Variants in HS6ST3 observed in about 807,000 individuals in gnomAD.
The protein encoded by HS6ST3 is heparan-sulfate 6-O-sulfotransferase 3.
A neutral mutation model predicts 36.7 loss-of-function variants in HS6ST3; 12 were observed. The observed-to-expected ratio is 0.33, with a 90% confidence interval of 0.21 to 0.53. The LOEUF (loss-of-function observed/expected upper bound fraction) is 0.53, where lower values mean the gene tolerates loss of function less well. Among genes scored for constraint, HS6ST3 ranks in the 20% least tolerant of loss-of-function variants. The pLI, the probability that HS6ST3 is intolerant of heterozygous loss-of-function variation, is 0.95. For synonymous variants in HS6ST3, 240 were observed against 257.5 expected, an observed-to-expected ratio of 0.93 and a Z score of 0.65; for missense variants, 584 against 640.9, an observed-to-expected ratio of 0.91 and a Z score of 0.96.
intron 1 of HS6ST3, among the ~76,000 whole-genome samples, chr13:96,107,329 G>T (rs2053846385): frequency 6.6e-6 from 1 of 152,094 alleles, no homozygotes; most frequent in Admixed American, 6.5e-5. Flanking sequence ...TCTGTAAATG[G>T]CTGCCTAAGA....
At chr13:96,683,077 C>G (rs2056723773) in intron 1 of HS6ST3, among the ~76,000 whole-genome samples, 1 of 152,084 alleles carries the variant, frequency 6.6e-6, no homozygotes, top group Non-Finnish European at 1.5e-5. Flanking sequence ...TTGTCCTAGT[C>G]TCTGCCTTGT....
At chr13:96,661,104 G>C (rs1199602178) in intron 1 of HS6ST3, among the ~76,000 whole-genome samples, 3 of 152,074 alleles carry the variant, frequency 2.0e-5, no homozygotes, top group African/African-American at 4.8e-5. Flanking sequence ...TGCACTGTTG[G>C]CTTCCCTACT....
At chr13:96,677,122 T>C (rs1317351292) in intron 1 of HS6ST3, among the ~76,000 whole-genome samples, 1 of 152,170 alleles carries the variant, frequency 6.6e-6, no homozygotes, top group Non-Finnish European at 1.5e-5. Flanking sequence ...TTGCTTCAAT[T>C]GGAACTTAGG....
chr13:96,465,781 T>C (rs1401598528), intron 1 of HS6ST3, among the ~76,000 whole-genome samples: 2 of 152,212 alleles, frequency 1.3e-5, no homozygotes, highest in Non-Finnish European at 2.9e-5. Flanking sequence ...GTATATATTA[T>C]GGTTAGTGTC....
At chr13:96,270,573 T>C (rs2054714781) in intron 1 of HS6ST3, among the ~76,000 whole-genome samples, 1 of 151,710 alleles carries the variant, frequency 6.6e-6, no homozygotes, top group Non-Finnish European at 1.5e-5. Context: ...CTTAGTGTTA[T>C]GAGGATTCAT....
chr13:96,649,657 G>T (rs774588728), intron 1 of HS6ST3, among the ~76,000 whole-genome samples: 9 of 151,972 alleles, frequency 5.9e-5, no homozygotes, highest in Non-Finnish European at 1.3e-4. Flanking sequence ...GTATCCTGAT[G>T]GGACTATCAT....
At chr13:96,233,296 T>G (rs769035442) in intron 1 of HS6ST3, among the ~76,000 whole-genome samples, 11 of 152,192 alleles carry the variant, frequency 7.2e-5, no homozygotes, top group Non-Finnish European at 1.5e-4. Flanking sequence ...ATATAAGGTA[T>G]TATATGCAAA....
intron 1 of HS6ST3, among the ~76,000 whole-genome samples, chr13:96,744,146 A>G (rs1042251626): frequency 2.0e-5 from 3 of 152,040 alleles, no homozygotes; most frequent in African/African-American, 7.2e-5. Flanking sequence ...TATAAGCTAC[A>G]TTATTACTGG....
At chr13:96,284,095 T>C (rs2139395238) in intron 1 of HS6ST3, among the ~76,000 whole-genome samples, 1 of 152,288 alleles carries the variant, frequency 6.6e-6, no homozygotes, top group East Asian at 1.9e-4. Flanking sequence ...CCAGCTTCCT[T>C]TGACCCAAGC....
At chr13:96,654,902 A>G (rs1594828453) in intron 1 of HS6ST3, among the ~76,000 whole-genome samples, 1 of 152,092 alleles carries the variant, frequency 6.6e-6, no homozygotes, top group Non-Finnish European at 1.5e-5. Context: ...TCCTTAAGTC[A>G]TAACTATTAG....
chr13:96,783,757 A>G (rs1877578255), intron 1 of HS6ST3, among the ~76,000 whole-genome samples: 1 of 152,056 alleles, frequency 6.6e-6, no homozygotes, highest in Admixed American at 6.6e-5. Context: ...TTAGATAGGA[A>G]GATAAGATGT....
intron 1 of HS6ST3, among the ~76,000 whole-genome samples, chr13:96,173,657 A>G (rs1334117178): frequency 1.6e-5 from 2 of 127,458 alleles, no homozygotes; most frequent in Non-Finnish European, 3.2e-5. Flanking sequence ...GAATAGGCAG[A>G]GTCACAGGTT....
chr13:96,449,901 G>A (rs1300598771), intron 1 of HS6ST3, among the ~76,000 whole-genome samples: 1 of 152,182 alleles, frequency 6.6e-6, no homozygotes, highest in Non-Finnish European at 1.5e-5. Flanking sequence ...GAATTTCTAT[G>A]AGATGAGAGG....
At chr13:96,112,582 T>TACATATATATAC (rs1321584593) in intron 1 of HS6ST3, among the ~76,000 whole-genome samples, 1 of 41,758 alleles carries the variant, frequency 2.4e-5, no homozygotes, top group African/African-American at 8.2e-5. Flanking sequence ...TAAATAAATA[T>TACATATATATAC]ATATATATAT....
At chr13:96,573,902 A>T in intron 1 of HS6ST3, 2 of 506,548 alleles carry the variant, frequency 3.9e-6, no homozygotes, top group Non-Finnish European at 7.8e-6. Flanking sequence ...AGTCTAATGG[A>T]ATGGCAGCTC....
chr13:96,528,450 CAG>C (rs924482424), intron 1 of HS6ST3, among the ~76,000 whole-genome samples: 27 of 152,248 alleles, frequency 1.8e-4, no homozygotes, highest in African/African-American at 6.5e-4. Flanking sequence ...AGCTGCTTGA[CAG>C]GGGCCCAATA....
At chr13:96,394,957 G>T (rs2139454004) in intron 1 of HS6ST3, among the ~76,000 whole-genome samples, 1 of 152,300 alleles carries the variant, frequency 6.6e-6, no homozygotes, top group South Asian at 2.1e-4. Context: ...AAAACATTAA[G>T]TGGTGAGGGT....
intron 1 of HS6ST3, among the ~76,000 whole-genome samples, chr13:96,339,059 T>C (rs1335250637): frequency 6.6e-6 from 1 of 152,060 alleles, no homozygotes. Context: ...AAGGATGAAA[T>C]ATTAGGGAAA....
intron 1 of HS6ST3, among the ~76,000 whole-genome samples, chr13:96,476,742 G>T (rs2138894695): frequency 6.6e-6 from 1 of 152,296 alleles, no homozygotes; most frequent in African/African-American, 2.4e-5. Flanking sequence ...TATTTGGGGT[G>T]TAGTGCCTTG....
Sources: allele counts gnomAD v4.1 joint callset (sites outside exome capture counted in the v4.1 genomes callset), GRCh38; gene constraint gnomAD v4.1.1; transcripts MANE v1.5; gene names NCBI Gene and HGNC (gene_info 2026-07-23, HGNC 2026-07-21).